ELOVL6: variants seen among roughly 807,000 people sequenced by gnomAD.
ELOVL6 encodes ELOVL fatty acid elongase 6, also known as very long chain fatty acid elongase 6.
A neutral mutation model predicts 31.7 loss-of-function variants in ELOVL6; 8 were observed. That is an observed-to-expected ratio of 0.25 (90% CI 0.15 to 0.45). The LOEUF (loss-of-function observed/expected upper bound fraction) is 0.45. Ranked by LOEUF, ELOVL6 falls within the 20% of genes least tolerant of loss-of-function variation. The probability of loss-of-function intolerance (pLI) is 1.00; values close to 1 mark genes in which losing one functional copy is unlikely to be tolerated. For missense variants in ELOVL6, 126 were observed against 326.4 expected, an observed-to-expected ratio of 0.39 and a Z score of 4.73; for synonymous variants, 101 against 117.7, an observed-to-expected ratio of 0.86 and a Z score of 0.92.
intron 1 of ELOVL6, among the ~76,000 whole-genome samples, chr4:110,128,652 G>A (rs1298470654): frequency 1.3e-5 from 2 of 152,172 alleles, no homozygotes; most frequent in Admixed American, 1.3e-4. Flanking sequence ...GAAGTCCATC[G>A]AGTGCCTTCT....
At chr4:110,062,211 TATC>T (rs1199780131) in intron 2 of ELOVL6, among the ~76,000 whole-genome samples, 1 of 152,232 alleles carries the variant, frequency 6.6e-6, no homozygotes, top group Non-Finnish European at 1.5e-5. Flanking sequence ...AAGGTTTTGA[TATC>T]ATGGTGACCT....
intron 2 of ELOVL6, among the ~76,000 whole-genome samples, chr4:110,079,728 T>C (rs1755771873): frequency 1.3e-5 from 2 of 151,440 alleles, no homozygotes; most frequent in African/African-American, 4.9e-5. Context: ...AGGCAAGAAA[T>C]AACTAAGATC....
chr4:110,127,874 G>C (rs1757554405), intron 1 of ELOVL6, among the ~76,000 whole-genome samples: 2 of 151,938 alleles, frequency 1.3e-5, no homozygotes, highest in South Asian at 4.2e-4. Flanking sequence ...ACATGTTTTG[G>C]GGGAAAACAG....
intron 2 of ELOVL6, among the ~76,000 whole-genome samples, chr4:110,066,511 C>T (rs778390289): frequency 5.9e-5 from 9 of 151,572 alleles, no homozygotes; most frequent in Admixed American, 3.9e-4. Context: ...TGGTGACAGG[C>T]GCCTGTGGTC....
intron 1 of ELOVL6, among the ~76,000 whole-genome samples, chr4:110,120,191 C>G (rs1248933819): frequency 6.6e-6 from 1 of 152,116 alleles, no homozygotes; most frequent in Non-Finnish European, 1.5e-5. Context: ...GGATAGGTAG[C>G]AATCGCTCTG....
At chr4:110,114,206 C>T (rs112538279) in intron 1 of ELOVL6, among the ~76,000 whole-genome samples, 121 of 152,290 alleles carry the variant, frequency 7.9e-4, no homozygotes, top group African/African-American at 2.9e-3. Context: ...AACTTTATCT[C>T]CTATAGCCTT....
In ELOVL6 at chr4:110,046,860, A is replaced by G. The variant is rs1016742037; in HGVS notation, c.*4478T>C. The G allele has an allele frequency of 6.6e-6, 1 of 152,216 alleles. No homozygotes were observed. Among genetic ancestry groups the G allele is most frequent in the Non-Finnish European group, 1.5e-5 (1 of 68,044 alleles). The allele number at this position is 152,216 out of a possible 1,614,324, so 9.4% of individuals were successfully genotyped here. On this transcript the variant is annotated 3_prime_UTR_variant, in exon 4 of 4. Coordinates refer to ENST00000302274, the MANE Select transcript of ELOVL6 (RefSeq NM_024090.3). ...GAACAAAATAGAGCATTGTGATTTC[A>G]TCAGCTCTCACTTTAATGTGTATAC...
At chr4:110,055,102 A>G (rs1171682557) in intron 3 of ELOVL6, among the ~76,000 whole-genome samples, 1 of 152,128 alleles carries the variant, frequency 6.6e-6, no homozygotes, top group Non-Finnish European at 1.5e-5. Context: ...GCTCTAGAAG[A>G]GCTAACCAAG....
At chr4:110,058,191 T>A (rs555834310) in intron 3 of ELOVL6, among the ~76,000 whole-genome samples, 4 of 152,148 alleles carry the variant, frequency 2.6e-5, no homozygotes, top group Non-Finnish European at 4.4e-5. Context: ...TTAACATAAA[T>A]GCACTGAATG....
intron 2 of ELOVL6, among the ~76,000 whole-genome samples, chr4:110,094,900 G>A (rs1756536193): frequency 6.6e-6 from 1 of 152,146 alleles, no homozygotes; most frequent in Admixed American, 6.5e-5. Context: ...TGTGAGATTT[G>A]TATTCATTAA....
intron 2 of ELOVL6, among the ~76,000 whole-genome samples, chr4:110,080,129 C>G (rs577578500): frequency 6.6e-6 from 1 of 152,058 alleles, no homozygotes; most frequent in Non-Finnish European, 1.5e-5. Flanking sequence ...AGTCCAGGAC[C>G]AGATGGATTC....
At chr4:110,072,344 C>T (rs924458497) in intron 2 of ELOVL6, among the ~76,000 whole-genome samples, 1 of 152,170 alleles carries the variant, frequency 6.6e-6, no homozygotes, top group African/African-American at 2.4e-5. Flanking sequence ...GGTATGGTGG[C>T]ACATGCCTGT....
At chr4:110,084,011 GGTATA>G (rs1756007534) in intron 2 of ELOVL6, among the ~76,000 whole-genome samples, 1 of 64,698 alleles carries the variant, frequency 1.5e-5, no homozygotes, top group African/African-American at 6.1e-5. Flanking sequence ...TGCCATATAT[GGTATA>G]TAACATATGC....
chr4:110,136,718 T>C (rs530103837), intron 1 of ELOVL6, among the ~76,000 whole-genome samples: 3 of 152,220 alleles, frequency 2.0e-5, no homozygotes, highest in Non-Finnish European at 4.4e-5. Flanking sequence ...CTATCACCTT[T>C]GTGTTTCAGG....
At chr4:110,198,712 C>G (rs1267676441), upstream of ELOVL6, 2 of 186,326 alleles carry the variant, frequency 1.1e-5, no homozygotes, top group East Asian at 1.5e-4. Context: ...AGGGAGTGTG[C>G]GAAAGAGCGC....
At chr4:110,137,533 A>C (rs1313745738) in intron 1 of ELOVL6, among the ~76,000 whole-genome samples, 2 of 151,924 alleles carry the variant, frequency 1.3e-5, no homozygotes, top group Non-Finnish European at 2.9e-5. Flanking sequence ...TTTACTATAG[A>C]TCTTATTATC....
intron 2 of ELOVL6, among the ~76,000 whole-genome samples, chr4:110,077,994 A>G (rs989810267): frequency 1.3e-5 from 2 of 152,068 alleles, no homozygotes; most frequent in East Asian, 3.8e-4. Flanking sequence ...TATCAGAGAT[A>G]GAAGATCAAA....
intron 1 of ELOVL6, among the ~76,000 whole-genome samples, chr4:110,106,816 T>C (rs1756904307): frequency 6.6e-6 from 1 of 152,148 alleles, no homozygotes; most frequent in Admixed American, 6.5e-5. Context: ...ATAAAGTCAC[T>C]CTGGTACAAA....
In ELOVL6 at chr4:110,051,914, C is replaced by G. The variant is rs1385787781; in HGVS notation, c.374-152G>C. 9 of 649,614 alleles carry G rather than the reference C, an allele frequency of 1.4e-5. No homozygotes were observed. The highest frequency in any genetic ancestry group is 1.6e-5 in the Non-Finnish European group (6 of 370,882). 40.2% of individuals were successfully genotyped at this position (649,614 alleles called of 1,614,324 possible). Reference sequence around the variant, plus strand: ...GAACTGGTACTTACTAGCTCTGTGACCCTGGACAAGTTAGTTATCCTCACT... The same window carrying G: ...GAACTGGTACTTACTAGCTCTGTGAGCCTGGACAAGTTAGTTATCCTCACT... On this transcript the variant is annotated intron_variant, in intron 3 of 3. Transcript: ENST00000302274. The surrounding 1 kb of genome is among the most constrained non-coding windows in gnomAD (Gnocchi z 4.8).
Sources: allele counts gnomAD v4.1 joint callset (sites outside exome capture counted in the v4.1 genomes callset), GRCh38; gene constraint gnomAD v4.1.1; non-coding constraint Gnocchi (gnomAD v3.1); transcripts MANE v1.5; gene names NCBI Gene and HGNC (gene_info 2026-07-23, HGNC 2026-07-21).